GPR158: variants seen among roughly 807,000 people sequenced by gnomAD.
GPR158 encodes the protein metabotropic glycine receptor.
In GPR158, 30 loss-of-function variants were observed where a neutral mutation model predicts 78.2. That is an observed-to-expected ratio of 0.38 (90% CI 0.29 to 0.52). The LOEUF (loss-of-function observed/expected upper bound fraction) is 0.52, where lower values mean the gene tolerates loss of function less well. Ranked by LOEUF, GPR158 falls within the 20% of genes least tolerant of loss-of-function variation. GPR158 has a pLI of 0.83. For synonymous variants in GPR158, 581 were observed against 591.1 expected (o/e 0.98, Z 0.25); for missense variants, 1,463 against 1,523.5 (o/e 0.96, Z 0.66).
At chr10:25,495,758 A>G (rs965384675) in intron 5 of GPR158, among the ~76,000 whole-genome samples, 5 of 152,146 alleles carry the variant, frequency 3.3e-5, no homozygotes, top group Non-Finnish European at 5.9e-5. Context: ...ATTATTAGCA[A>G]CCTGCATCAT....
chr10:25,534,612 G>T (rs1836473427), intron 5 of GPR158, among the ~76,000 whole-genome samples: 1 of 151,902 alleles, frequency 6.6e-6, no homozygotes, highest in African/African-American at 2.4e-5. Flanking sequence ...AAATTAGCTG[G>T]GTGTGGTGGC....
chr10:25,502,581 G>A (rs11014581), intron 5 of GPR158, among the ~76,000 whole-genome samples: 1 of 150,750 alleles, frequency 6.6e-6, no homozygotes, highest in African/African-American at 2.4e-5. Context: ...CCAAACAGTC[G>A]GTAGGTTTTT....
At chr10:25,458,719 C>T (rs1308482360) in intron 4 of GPR158, among the ~76,000 whole-genome samples, 2 of 152,196 alleles carry the variant, frequency 1.3e-5, no homozygotes, top group African/African-American at 4.8e-5. Context: ...CAAGATCTCA[C>T]AGCTAATAAA....
chr10:25,481,186 G>A (rs1835659933), intron 5 of GPR158, among the ~76,000 whole-genome samples: 1 of 149,222 alleles, frequency 6.7e-6, no homozygotes. Context: ...ACAGACCTAT[G>A]GACTGAGACC....
intron 1 of GPR158, among the ~76,000 whole-genome samples, chr10:25,207,326 T>C (rs1281840230): frequency 6.6e-6 from 1 of 152,150 alleles, no homozygotes; most frequent in Non-Finnish European, 1.5e-5. Flanking sequence ...ATTTCTTCTC[T>C]TGCTGTGACT....
chr10:25,243,699 T>C (rs1185497366), intron 2 of GPR158, among the ~76,000 whole-genome samples: 1 of 152,216 alleles, frequency 6.6e-6, no homozygotes, highest in Non-Finnish European at 1.5e-5. Flanking sequence ...TTTTATATTG[T>C]GCTCTTTTAG....
At position 25,580,219 on chromosome 10, in the gene GPR158, A is replaced by G. The variant is rs544291585; in HGVS notation, c.1753+7332A>G. Among the ~76,000 whole-genome samples, 11 of 152,368 alleles carry G rather than the reference A, an allele frequency of 7.2e-5. No homozygotes were observed. The South Asian group carries it at 2.3e-3, about 32-fold the overall frequency. On this transcript the variant is annotated intron_variant, in intron 7 of 10. Coordinates refer to ENST00000376351, the MANE Select transcript of GPR158 (RefSeq NM_020752.3). ...AATATTTGTGCTTTTAGTGAATTCC[A>G]GCATTGATTACTCCACTGTTCAAAA...
At chr10:25,430,060 G>T (rs1834879557) in intron 4 of GPR158, among the ~76,000 whole-genome samples, 2 of 148,282 alleles carry the variant, frequency 1.3e-5, no homozygotes, top group African/African-American at 5.0e-5. Context: ...AGGAAAAGAG[G>T]AAGTCAAATT....
rs1159106958 is a variant in GPR158, at chr10:25,204,818, G to GTTTTTTTTTTTT, written c.903-16227_903-16216dup. On this transcript the variant is annotated intron_variant, in intron 1 of 10. Transcript: ENST00000376351. Reference sequence around the variant, plus strand: ...GAGGTGTTCAAAGTAGTCTCTGAGGGTTTTTTTTTTTTTTTTTTGTCATTT... The same window carrying GTTTTTTTTTTTT: ...GAGGTGTTCAAAGTAGTCTCTGAGGGTTTTTTTTTTTTTTTTTTTTTTTTTTTTTTGTCATTT... Among the ~76,000 whole-genome samples, 9 of 118,968 alleles carry GTTTTTTTTTTTT rather than the reference G, an allele frequency of 7.6e-5. 1 individual carries two copies. The highest frequency in any genetic ancestry group is 1.7e-4 in the African/African-American group (5 of 29,336). The allele number at this position is 118,968 out of a possible 152,430, so 78.0% of individuals were successfully genotyped here. A position where few individuals can be genotyped will look rare whatever the true frequency, so the allele number is the denominator to read the frequency against.
intron 2 of GPR158, among the ~76,000 whole-genome samples, chr10:25,381,212 T>G (rs954947778): frequency 2.0e-5 from 3 of 152,188 alleles, no homozygotes; most frequent in Non-Finnish European, 4.4e-5. Flanking sequence ...TGCAGAAAAG[T>G]TAAAAAATTA....
intron 2 of GPR158, among the ~76,000 whole-genome samples, chr10:25,258,997 A>G (rs913276720): frequency 2.6e-5 from 4 of 152,166 alleles, no homozygotes; most frequent in Non-Finnish European, 5.9e-5. Flanking sequence ...TTATTCATTA[A>G]GTGGGAGTAG....
intron 2 of GPR158, among the ~76,000 whole-genome samples, chr10:25,345,302 T>C (rs1855358059): frequency 6.6e-6 from 1 of 151,928 alleles, no homozygotes; most frequent in Non-Finnish European, 1.5e-5. Flanking sequence ...ATCTTACCAC[T>C]TGGCAAGGCT....
At chr10:25,270,058 T>C (rs1854096350) in intron 2 of GPR158, among the ~76,000 whole-genome samples, 1 of 152,140 alleles carries the variant, frequency 6.6e-6, no homozygotes, top group South Asian at 2.1e-4. Flanking sequence ...AGGACAAAGA[T>C]TTTTGGGGAG....
At chr10:25,217,454 T>C (rs1307961358) in intron 1 of GPR158, among the ~76,000 whole-genome samples, 4 of 152,182 alleles carry the variant, frequency 2.6e-5, no homozygotes, top group Non-Finnish European at 5.9e-5. Context: ...ACATGTGTAT[T>C]CATGATTTTG....
At chr10:25,313,160 T>A (rs1328153406) in intron 2 of GPR158, among the ~76,000 whole-genome samples, 2 of 148,334 alleles carry the variant, frequency 1.3e-5, no homozygotes, top group African/African-American at 2.5e-5. Context: ...TAATATTAAG[T>A]GAAGTATGTA....
intron 5 of GPR158, among the ~76,000 whole-genome samples, chr10:25,521,813 A>G (rs912471210): frequency 6.6e-6 from 1 of 152,216 alleles, no homozygotes; most frequent in Admixed American, 6.5e-5. Context: ...TATGAAAGCA[A>G]TGGCAGAAAA....
At chr10:25,557,306 C>T (rs549152748) in intron 6 of GPR158, among the ~76,000 whole-genome samples, 1 of 152,268 alleles carries the variant, frequency 6.6e-6, no homozygotes, top group African/African-American at 2.4e-5. Context: ...AGGCTGTGAC[C>T]TCTCACTTCC....
At chr10:25,390,574 C>A (rs1217089446) in intron 2 of GPR158, among the ~76,000 whole-genome samples, 1 of 152,196 alleles carries the variant, frequency 6.6e-6, no homozygotes, top group Non-Finnish European at 1.5e-5. Flanking sequence ...AAAGAAATTT[C>A]TAAGCAGCAA....
intron 2 of GPR158, among the ~76,000 whole-genome samples, chr10:25,290,949 T>TA (rs1854426337): frequency 6.6e-6 from 1 of 152,052 alleles, no homozygotes; most frequent in Admixed American, 6.6e-5. Flanking sequence ...CCAAATTATT[T>TA]AAAAATTTAA....
Sources: allele counts gnomAD v4.1 joint callset (sites outside exome capture counted in the v4.1 genomes callset), GRCh38; gene constraint gnomAD v4.1.1; transcripts MANE v1.5; gene names NCBI Gene and HGNC (gene_info 2026-07-23, HGNC 2026-07-21).